The following MAP3K7CL variants were observed in gnomAD, a reference collection of about 807,000 sequenced individuals.
MAP3K7CL encodes the protein MAP3K7 C-terminal like, also known as MAP3K7 C-terminal-like protein.
MAP3K7CL carries 16 observed loss-of-function variants against 18.6 expected under a neutral mutation model. That is an observed-to-expected ratio of 0.86 (90% CI 0.58 to 1.31). The LOEUF is 1.31. Ranked by LOEUF, MAP3K7CL falls within the 50% of genes most tolerant of loss-of-function variation. The probability of loss-of-function intolerance (pLI) is 0.00; values close to 1 mark genes in which losing one functional copy is unlikely to be tolerated. For synonymous variants in MAP3K7CL, 65 were observed against 66.8 expected (o/e 0.97, Z 0.13); for missense variants, 163 against 174.4 (o/e 0.93, Z 0.37).
chr21:29,091,811 C>T, intron 3 of MAP3K7CL: 1 of 694,450 alleles, frequency 1.4e-6, no homozygotes, highest in Non-Finnish European at 2.6e-6. Context: ...ATGATAGTAA[C>T]TCCCATCTGC....
At chr21:29,098,501 G>C (rs1037493586) in intron 4 of MAP3K7CL, among the ~76,000 whole-genome samples, 3 of 152,136 alleles carry the variant, frequency 2.0e-5, no homozygotes, top group Non-Finnish European at 4.4e-5. Context: ...AGAAAAAAAG[G>C]AATGTGAAAG....
intron 4 of MAP3K7CL, among the ~76,000 whole-genome samples, chr21:29,116,034 T>TC (rs1469056158): frequency 6.6e-6 from 1 of 152,248 alleles, no homozygotes; most frequent in Admixed American, 6.5e-5. Flanking sequence ...CATAGTTTAC[T>TC]TATGTATACT....
At chr21:29,140,188 T>G (rs1284869732) in intron 2 of MAP3K7CL, among the ~76,000 whole-genome samples, 3 of 152,226 alleles carry the variant, frequency 2.0e-5, no homozygotes, top group African/African-American at 4.8e-5. Flanking sequence ...TTGAGAACTA[T>G]AGTAGAAACT....
At chr21:29,162,724 G>A (rs939211660) in intron 4 of MAP3K7CL, among the ~76,000 whole-genome samples, 2 of 151,430 alleles carry the variant, frequency 1.3e-5, no homozygotes, top group Non-Finnish European at 2.9e-5. Flanking sequence ...AATGACATGA[G>A]AGTGACTCCT....
chr21:29,120,263 T>C (rs931124335), intron 4 of MAP3K7CL, among the ~76,000 whole-genome samples: 5 of 152,178 alleles, frequency 3.3e-5, no homozygotes, highest in Non-Finnish European at 7.3e-5. Flanking sequence ...TATCTTTGTA[T>C]ATTTGTATCT....
intron 2 of MAP3K7CL, among the ~76,000 whole-genome samples, chr21:29,146,056 AT>A (rs1772251762): frequency 6.6e-6 from 1 of 152,044 alleles, no homozygotes; most frequent in Non-Finnish European, 1.5e-5. Context: ...AAGTAAATGG[AT>A]AACTTTTTTT....
At chr21:29,122,182 A>T (rs981641189) in intron 4 of MAP3K7CL, 6 of 152,288 alleles carry the variant, frequency 3.9e-5, no homozygotes, top group South Asian at 2.1e-4. Context: ...AGCCCGCAGC[A>T]CTCAATCCCT....
intron 4 of MAP3K7CL, among the ~76,000 whole-genome samples, chr21:29,171,470 G>A (rs2087824804): frequency 6.6e-6 from 1 of 152,028 alleles, no homozygotes; most frequent in Non-Finnish European, 1.5e-5. Flanking sequence ...TTTTTTTCAG[G>A]ATAACTGCAT....
chr21:29,113,083 C>T (rs368104714), intron 4 of MAP3K7CL, among the ~76,000 whole-genome samples: 5 of 152,220 alleles, frequency 3.3e-5, no homozygotes, highest in East Asian at 3.8e-4. Flanking sequence ...GCGTGAGCCA[C>T]TGCGCCCGGC....
At chr21:29,169,668 T>C (rs1425785238) in intron 4 of MAP3K7CL, among the ~76,000 whole-genome samples, 1 of 152,230 alleles carries the variant, frequency 6.6e-6, no homozygotes, top group Admixed American at 6.5e-5. Context: ...CTTGTAGTGG[T>C]CTCCTCAGCA....
intron 2 of MAP3K7CL, among the ~76,000 whole-genome samples, chr21:29,145,351 G>A (rs1308108522): frequency 6.6e-6 from 1 of 151,952 alleles, no homozygotes; most frequent in East Asian, 1.9e-4. Flanking sequence ...TATGCTTCTG[G>A]AATTGTCAAA....
chr21:29,093,150 C>T (rs1486889154), intron 4 of MAP3K7CL, among the ~76,000 whole-genome samples: 7 of 152,190 alleles, frequency 4.6e-5, no homozygotes, highest in South Asian at 2.1e-4. Flanking sequence ...GTGATCCGCC[C>T]GCCTCGTCCT....
chr21:29,160,441 CA>C (rs1262615675), intron 4 of MAP3K7CL, among the ~76,000 whole-genome samples: 3 of 152,188 alleles, frequency 2.0e-5, no homozygotes, highest in Non-Finnish European at 4.4e-5. Flanking sequence ...GATAGCTCTT[CA>C]AAATAATGTA....
intron 3 of MAP3K7CL, among the ~76,000 whole-genome samples, chr21:29,091,926 T>C (rs2086036466): frequency 6.6e-6 from 1 of 152,230 alleles, no homozygotes; most frequent in South Asian, 2.1e-4. Flanking sequence ...TGTTATCACC[T>C]TTGTTTTAAA....
chr21:29,117,017 C>G (rs1421783370), intron 4 of MAP3K7CL, among the ~76,000 whole-genome samples: 1 of 152,154 alleles, frequency 6.6e-6, no homozygotes, highest in Non-Finnish European at 1.5e-5. Context: ...TATTGTCATG[C>G]TCACCTTGAG....
chr21:29,097,576 G>T (rs1317413350), intron 4 of MAP3K7CL, among the ~76,000 whole-genome samples: 1 of 151,724 alleles, frequency 6.6e-6, no homozygotes, highest in Non-Finnish European at 1.5e-5. Flanking sequence ...AGTCAGATTT[G>T]CTACATAGTC....
chr21:29,080,430 G>A (rs2085817186), intron 1 of MAP3K7CL: 1 of 152,274 alleles, frequency 6.6e-6, no homozygotes, highest in Non-Finnish European at 1.5e-5. Flanking sequence ...CAGAATTCCT[G>A]ATGCACTCAT....
At chr21:29,087,295 A>G (rs1361215443) in intron 1 of MAP3K7CL, among the ~76,000 whole-genome samples, 1 of 152,126 alleles carries the variant, frequency 6.6e-6, no homozygotes, top group African/African-American at 2.4e-5. Context: ...TTTTATTTTT[A>G]TCCTAAAAGC....
At chr21:29,167,298 AAAACATCAG>A (rs1162557480) in intron 4 of MAP3K7CL, among the ~76,000 whole-genome samples, 1 of 152,210 alleles carries the variant, frequency 6.6e-6, no homozygotes, top group African/African-American at 2.4e-5. Context: ...GTGTTCAGGC[AAAACATCAG>A]AAAGGGGTTT....
Sources: gnomAD v4.1 joint callset for allele counts (sites outside exome capture counted in the v4.1 genomes callset) on GRCh38, gnomAD v4.1.1 for gene constraint, MANE v1.5 for transcripts, NCBI Gene and HGNC (gene_info 2026-07-23, HGNC 2026-07-21) for gene names.